The following XIRP2 variants were observed in gnomAD, a reference collection of about 807,000 sequenced individuals.
XIRP2 encodes the protein xin actin binding repeat containing 2.
Under a neutral mutation model 277.0 loss-of-function variants are expected in XIRP2, and 236 were observed. The ratio of observed to expected loss-of-function variants is 0.85; its 90% CI spans 0.77 to 0.95. XIRP2 has a LOEUF of 0.95. XIRP2 is among the 40% of genes least tolerant of loss of function. The pLI, the probability that XIRP2 is intolerant of heterozygous loss-of-function variation, is 0.00. For synonymous variants in XIRP2, 1,490 were observed against 1,416.5 expected (o/e 1.05, Z -1.17); for missense variants, 4,640 against 4,157.5 (o/e 1.12, Z -3.19).
At chr2:166,910,809 T>C (rs924173353) in intron 2 of XIRP2, among the ~76,000 whole-genome samples, 7 of 152,234 alleles carry the variant, frequency 4.6e-5, no homozygotes, top group African/African-American at 1.7e-4. Context: ...TCTGGTATGT[T>C]GTGTCTTTGT....
intron 2 of XIRP2, among the ~76,000 whole-genome samples, chr2:166,974,769 A>T (rs896452214): frequency 1.3e-5 from 2 of 152,016 alleles, no homozygotes; most frequent in Non-Finnish European, 2.9e-5. Context: ...TTGCAAGTAA[A>T]ATATACTTAA....
intron 2 of XIRP2, among the ~76,000 whole-genome samples, chr2:167,114,023 A>G (rs1025513472): frequency 6.6e-6 from 1 of 152,042 alleles, no homozygotes; most frequent in Non-Finnish European, 1.5e-5. Flanking sequence ...TTCCCTTTGT[A>G]GGTTATCTGC....
At position 167,086,147 on chromosome 2, in the gene XIRP2, A is replaced by G. The variant is rs550698270; in HGVS notation, c.409-49762A>G. Among the ~76,000 whole-genome samples, 6 of 152,124 alleles carry G rather than the reference A, an allele frequency of 3.9e-5. No homozygotes were observed. The East Asian group carries it at 1.2e-3, about 29-fold the overall frequency. ...TTTTAGGGCTGGCCTGGTGGTGACA[A>G]AATCTCTCAGCATTTGCTTGTCTGT... On this transcript the variant is annotated intron_variant, in intron 2 of 10. Transcript: ENST00000409195.
At chr2:167,112,862 C>A (rs959134492) in intron 2 of XIRP2, among the ~76,000 whole-genome samples, 1 of 151,858 alleles carries the variant, frequency 6.6e-6, no homozygotes, top group Non-Finnish European at 1.5e-5. Flanking sequence ...ATCATGTTGC[C>A]GAAGCTGATC....
chr2:167,147,074 G>T (rs1691883261), intron 3 of XIRP2, among the ~76,000 whole-genome samples: 1 of 151,846 alleles, frequency 6.6e-6, no homozygotes, highest in Non-Finnish European at 1.5e-5. Flanking sequence ...AAAACAAAGA[G>T]GTTTCTATTA....
intron 2 of XIRP2, among the ~76,000 whole-genome samples, chr2:166,929,470 CTTG>C (rs1039265327): frequency 2.6e-5 from 4 of 152,088 alleles, no homozygotes; most frequent in African/African-American, 9.7e-5. Context: ...TTAGCCTCTA[CTTG>C]TTTCTCCTTT....
intron 2 of XIRP2, among the ~76,000 whole-genome samples, chr2:166,986,096 C>T (rs527788241): frequency 5.3e-5 from 8 of 152,292 alleles, no homozygotes; most frequent in African/African-American, 1.7e-4. Flanking sequence ...TTGGTATTCT[C>T]TACCTCTGAC....
At chr2:167,234,687 G>C (rs1442745973) in intron 5 of XIRP2, among the ~76,000 whole-genome samples, 2 of 151,694 alleles carry the variant, frequency 1.3e-5, no homozygotes, top group Non-Finnish European at 3.0e-5. Flanking sequence ...AGTTACTATT[G>C]AATTAAGTAA....
chr2:166,929,370 C>T (rs868240916), intron 2 of XIRP2, among the ~76,000 whole-genome samples: 8 of 152,088 alleles, frequency 5.3e-5, no homozygotes, highest in Non-Finnish European at 1.0e-4. Context: ...CCTTCAGTCA[C>T]GTTGATAAGA....
intron 2 of XIRP2, among the ~76,000 whole-genome samples, chr2:167,029,949 A>T (rs1688291784): frequency 6.6e-6 from 1 of 151,990 alleles, no homozygotes; most frequent in Non-Finnish European, 1.5e-5. Flanking sequence ...GGGAGTGTGT[A>T]TGTGTCCAGG....
At position 166,940,227 on chromosome 2, in the gene XIRP2, G is replaced by A. The variant is rs574676697; in HGVS notation, c.408+36337G>A. Among the ~76,000 whole-genome samples, 9 of 152,120 alleles carry A rather than the reference G, an allele frequency of 5.9e-5. No individual in the cohort carries two copies. The South Asian group carries it at 1.7e-3, about 28-fold the overall frequency. ...TCAATCACTGATACCCTTTCTTCCAGTTGATCGAATCAGCTACTTAAGCTT... is the reference window on the plus strand; with the variant it reads ...TCAATCACTGATACCCTTTCTTCCAATTGATCGAATCAGCTACTTAAGCTT... On this transcript the variant is annotated intron_variant, in intron 2 of 10. Coordinates refer to ENST00000409195, the MANE Select transcript of XIRP2 (RefSeq NM_152381.6).
intron 2 of XIRP2, among the ~76,000 whole-genome samples, chr2:166,984,007 C>A (rs750621924): frequency 3.9e-5 from 6 of 152,066 alleles, no homozygotes; most frequent in Non-Finnish European, 8.8e-5. Context: ...AGAAACACAG[C>A]CCTTAAAACC....
intron 2 of XIRP2, among the ~76,000 whole-genome samples, chr2:167,002,355 A>G (rs1687395689): frequency 6.6e-6 from 1 of 151,984 alleles, no homozygotes; most frequent in Admixed American, 6.6e-5. Context: ...TCATACTCAA[A>G]TATTCATTGT....
At chr2:166,952,525 C>T (rs765702674) in intron 2 of XIRP2, among the ~76,000 whole-genome samples, 4 of 151,972 alleles carry the variant, frequency 2.6e-5, no homozygotes, top group Admixed American at 1.3e-4. Flanking sequence ...ACAAATTTCA[C>T]ACTTCTCTAC....
chr2:167,146,948 A>C (rs1691879800), intron 3 of XIRP2, among the ~76,000 whole-genome samples: 1 of 152,186 alleles, frequency 6.6e-6, no homozygotes, highest in South Asian at 2.1e-4. Flanking sequence ...AAAATCTGGA[A>C]GTGTGAAGCT....
At chr2:167,171,182 G>C (rs538566347) in intron 3 of XIRP2, among the ~76,000 whole-genome samples, 1 of 152,196 alleles carries the variant, frequency 6.6e-6, no homozygotes, top group Admixed American at 6.5e-5. Flanking sequence ...TTACAGGTGT[G>C]AGCCACTGCA....
intron 3 of XIRP2, among the ~76,000 whole-genome samples, chr2:167,142,850 A>G (rs1393304933): frequency 3.3e-5 from 5 of 152,142 alleles, no homozygotes; most frequent in Non-Finnish European, 4.4e-5. Context: ...TAAAAAGCCC[A>G]GTCACTAAGG....
At chr2:167,037,058 A>T (rs1688528227) in intron 2 of XIRP2, among the ~76,000 whole-genome samples, 1 of 152,108 alleles carries the variant, frequency 6.6e-6, no homozygotes, top group South Asian at 2.1e-4. Flanking sequence ...GTATGTCTTT[A>T]TCAGAAATGT....
chr2:167,249,665 C>G lies in XIRP2; in HGVS notation c.8273C>G (p.Thr2758Ser), dbSNP rs771239069. Residue 2758 changes from threonine (T) to serine (S), a missense_variant, in exon 9 of 11, where the codon ACT becomes AGT. Transcript: ENST00000409195. ...AAAACCAAGAAAACTGAAGCAAGCA[C>G]TGAATGTAGTCATAAGCAATCTCTG... ...YLKTKKTEAS[T>S]ECSHKQSLAE... 1.9e-6 allele frequency: 3 copies of G among 1,613,306 alleles called. No individual in the cohort carries two copies. The highest frequency in any genetic ancestry group is 2.7e-5 in the African/African-American group (2 of 74,858).
Sources: gnomAD v4.1 joint callset for allele counts (sites outside exome capture counted in the v4.1 genomes callset) on GRCh38, gnomAD v4.1.1 for gene constraint, MANE v1.5 for transcripts, NCBI Gene and HGNC (gene_info 2026-07-23, HGNC 2026-07-21) for gene names.